C8B: variants seen among roughly 807,000 people sequenced by gnomAD.
The protein encoded by C8B is complement C8 beta chain.
In C8B, 67 loss-of-function variants were observed where a neutral mutation model predicts 64.6. That is an observed-to-expected ratio of 1.04 (90% CI 0.85 to 1.27). C8B has a LOEUF of 1.27. Among genes scored for constraint, C8B ranks in the 50% most tolerant of loss-of-function variants. The probability of loss-of-function intolerance (pLI) is 0.00; values close to 1 mark genes in which losing one functional copy is unlikely to be tolerated. For synonymous variants in C8B, 284 were observed against 257.7 expected, an observed-to-expected ratio of 1.10 and a Z score of -0.98; for missense variants, 790 against 725.2, an observed-to-expected ratio of 1.09 and a Z score of -1.03.
At chr1:56,957,905 C>G (rs1645125322) in intron 2 of C8B, among the ~76,000 whole-genome samples, 2 of 152,094 alleles carry the variant, frequency 1.3e-5, no homozygotes, top group South Asian at 4.2e-4. Flanking sequence ...AACTAAGTGA[C>G]ACCTCAGCTG....
At position 56,933,398 on chromosome 1, in the gene C8B, G is replaced by C; in HGVS notation, c.1489C>G (p.Gln497Glu). ...CAGTGGCAGGAACTAACTTCCTTCT[G>C]GAACTCCTCCAGTGCCTGCTTCATG... Reference protein sequence around the residue: ...QNMKQALEEFQKEVSSCHCAP... With the variant: ...QNMKQALEEFEKEVSSCHCAP... Residue 497 changes from glutamine to glutamate, a missense_variant, in exon 10 of 12, where the codon CAG becomes GAG. Coordinates refer to ENST00000371237, the MANE Select transcript of C8B (RefSeq NM_000066.4). The C allele has an allele frequency of 6.2e-7, 1 of 1,613,554 alleles. No individual in the cohort carries two copies. The highest frequency in any genetic ancestry group is 8.5e-7 in the Non-Finnish European group (1 of 1,179,524).
At chr1:56,964,496 G>A (rs564718603) in intron 1 of C8B, among the ~76,000 whole-genome samples, 60 of 152,224 alleles carry the variant, frequency 3.9e-4, no homozygotes, top group Non-Finnish European at 6.6e-4. Flanking sequence ...TCACACTCAC[G>A]CACCGTTGCC....
rs750792336 is a variant in C8B at position 56,929,509 on chromosome 1, G to A, written c.1671C>T (p.Cys557=). ...KWNCWSNWSS[C]SGRRKTRQRQ... is the part of the protein sequence containing the mutation. ...TTTGTCTTGTCTTACGTCTTCCAGA[G>A]CATGAAGACCAATTTGACCAGCAAT... The change falls in exon 12 of 12, where the codon TGC becomes TGT. Residue 557 remains cysteine, a synonymous_variant. Coordinates refer to ENST00000371237, the MANE Select transcript of C8B (RefSeq NM_000066.4). 3 of 1,613,656 alleles carry A rather than the reference G, an allele frequency of 1.9e-6. No homozygotes were observed. The highest frequency in any genetic ancestry group is 2.5e-6 in the Non-Finnish European group (3 of 1,179,808).
intron 4 of C8B, among the ~76,000 whole-genome samples, chr1:56,952,760 C>T (rs547700156): frequency 1.3e-5 from 2 of 152,260 alleles, no homozygotes; most frequent in South Asian, 2.1e-4. Context: ...CCTTGGGTGG[C>T]CACTTACTAC....
chr1:56,949,781 A>T, intron 5 of C8B, 29 bp from the exon 6 acceptor site: 2 of 1,514,854 alleles, frequency 1.3e-6, no homozygotes, highest in Non-Finnish European at 1.8e-6. Context: ...AGGGTTTTTT[A>T]TTTCATTTGA....
chr1:56,954,460 G>A lies in C8B; in HGVS notation c.533+226C>T, dbSNP rs150503796. ...CACACATGCACAGCTCTGTCCCAGT[G>A]TTCCAAACCAGCCCTCCTGATGCCT... On this transcript the variant is annotated intron_variant, in intron 4 of 11. Coordinates refer to ENST00000371237, the MANE Select transcript of C8B (RefSeq NM_000066.4). 1.5e-3 allele frequency among the ~76,000 whole-genome samples: 227 copies of A among 152,310 alleles called. 1 individual carries two copies. Among genetic ancestry groups the A allele is most frequent in the African/African-American group, 5.0e-3 (207 of 41,568 alleles).
At chr1:56,961,531 G>A (rs984895803) in intron 1 of C8B, among the ~76,000 whole-genome samples, 16 of 152,138 alleles carry the variant, frequency 1.1e-4, no homozygotes, top group Non-Finnish European at 2.4e-4. Flanking sequence ...AGTATATACG[G>A]GTTTTGTCCG....
intron 1 of C8B, chr1:56,963,748 G>T: frequency 2.0e-6 from 1 of 502,500 alleles, no homozygotes; most frequent in Non-Finnish European, 2.6e-6. Context: ...CCCTCTCTGT[G>T]AAACTGTAAA....
chr1:56,936,514 A>ATT (rs11310458), intron 9 of C8B, among the ~76,000 whole-genome samples: 2 of 102,140 alleles, frequency 2.0e-5, no homozygotes, highest in African/African-American at 3.3e-5. Flanking sequence ...TTTGTGGTAA[A>ATT]TTTTTTTTTT....
chr1:56,931,200 G>C (rs911840475), intron 11 of C8B, among the ~76,000 whole-genome samples: 6 of 152,194 alleles, frequency 3.9e-5, no homozygotes, highest in Non-Finnish European at 8.8e-5. Flanking sequence ...ACTGGCCAAA[G>C]AATTTGAGAT....
intron 6 of C8B, 115 bp from the exon 7 acceptor site, chr1:56,946,176 G>A (rs191197201): frequency 1.9e-4 from 229 of 1,196,098 alleles, no homozygotes; most frequent in Admixed American, 1.1e-3. Flanking sequence ...TCACTCTTAT[G>A]ATTCCTTTAG....
intron 7 of C8B, among the ~76,000 whole-genome samples, chr1:56,944,110 T>A (rs973700498): frequency 1.3e-5 from 2 of 152,212 alleles, no homozygotes; most frequent in African/African-American, 4.8e-5. Context: ...TCTAAAAATT[T>A]GATCTGCTTA....
intron 3 of C8B, among the ~76,000 whole-genome samples, chr1:56,956,397 G>T (rs1645104104): frequency 6.6e-6 from 1 of 152,154 alleles, no homozygotes; most frequent in Admixed American, 6.5e-5. Flanking sequence ...TAGTCACAAA[G>T]TCAAAATAAG....
chr1:56,940,999 C>T lies in C8B; in HGVS notation c.1248G>A (p.Arg416=), dbSNP rs916717523. 26 of 1,613,920 alleles carry T rather than the reference C, an allele frequency of 1.6e-5. No individual in the cohort carries two copies. The highest frequency in any genetic ancestry group is 2.2e-5 in the Non-Finnish European group (26 of 1,180,000). ...CCACCAAGTCCTCCACCATGGTGTC[C>T]CTCTTGTTTCTGTCTGGAATGGACA... ...ILNEIKDRNK[R]DTMVEDLVVL... Residue 416 remains arginine (R), a synonymous_variant, in exon 9 of 12, where the codon AGG becomes AGA. Coordinates refer to ENST00000371237, the MANE Select transcript of C8B (RefSeq NM_000066.4).
At chr1:56,957,057 G>T (rs531949198) in intron 2 of C8B, 147 bp from the exon 3 acceptor site, 5 of 826,956 alleles carry the variant, frequency 6.0e-6, no homozygotes, top group South Asian at 1.5e-5. Context: ...AGCCCCTTGT[G>T]CTCCCCCCAT....
intron 1 of C8B, among the ~76,000 whole-genome samples, chr1:56,964,955 T>C (rs1420349196): frequency 6.6e-6 from 1 of 152,208 alleles, no homozygotes; most frequent in African/African-American, 2.4e-5. Flanking sequence ...AGCTGTTACT[T>C]ATTGAGTGGC....
chr1:56,932,928 C>A (rs1345501547), intron 10 of C8B, among the ~76,000 whole-genome samples: 2 of 152,134 alleles, frequency 1.3e-5, no homozygotes, highest in Admixed American at 6.5e-5. Context: ...TCCCAGTCTG[C>A]CCTGCTCACT....
chr1:56,943,874 G>A (rs1644902799), intron 7 of C8B, 50 bp from the exon 8 acceptor site: 22 of 1,606,970 alleles, frequency 1.4e-5, no homozygotes, highest in Non-Finnish European at 1.4e-5. Context: ...AGTTCACTCT[G>A]TCCCTTTTCC....
chr1:56,962,153 C>T (rs916235921), intron 1 of C8B, among the ~76,000 whole-genome samples: 1 of 152,166 alleles, frequency 6.6e-6, no homozygotes, highest in Non-Finnish European at 1.5e-5. Flanking sequence ...CAATTATTTT[C>T]GTCTCTGAGA....
Sources: allele counts gnomAD v4.1 joint callset (sites outside exome capture counted in the v4.1 genomes callset), GRCh38; gene constraint gnomAD v4.1.1; transcripts MANE v1.5; gene names NCBI Gene and HGNC (gene_info 2026-07-23, HGNC 2026-07-21).